NPAS4: variants seen among roughly 807,000 people sequenced by gnomAD.
NPAS4 encodes neuronal PAS domain-containing protein 4.
Under a neutral mutation model 64.0 loss-of-function variants are expected in NPAS4, and 10 were observed. The observed-to-expected ratio is 0.16, with a 90% confidence interval of 0.10 to 0.26. The LOEUF (loss-of-function observed/expected upper bound fraction) is 0.26, where lower values mean the gene tolerates loss of function less well. Among genes scored for constraint, NPAS4 ranks in the 10% least tolerant of loss-of-function variants. The pLI, the probability that NPAS4 is intolerant of heterozygous loss-of-function variation, is 1.00. For missense variants in NPAS4, 886 were observed against 992.6 expected (o/e 0.89, Z 1.44); for synonymous variants, 441 against 411.7 (o/e 1.07, Z -0.86).
chr11:66,413,463 G>A, the NPAS4 span, among the ~76,000 whole-genome samples: 1 of 152,250 alleles, frequency 6.6e-6, no homozygotes, highest in Admixed American at 6.5e-5. Context: ...ACAGCCCTGG[G>A]TGCAGTTGGC....
At chr11:66,421,975 C>T in intron 1 of NPAS4, 145 bp from the exon 2 acceptor site, 1 of 690,912 alleles carries the variant, frequency 1.4e-6, no homozygotes. Flanking sequence ...TGGCCAAGAG[C>T]TGCGGGCAGC....
intron 5 of NPAS4, 128 bp downstream of exon 5, chr11:66,423,360 T>C: frequency 1.2e-6 from 1 of 810,000 alleles, no homozygotes; most frequent in Non-Finnish European, 2.1e-6. Flanking sequence ...TCGGATGCTA[T>C]AGGGTGAACA....
At chr11:66,420,691 A>C (rs1856728003), upstream of NPAS4, among the ~76,000 whole-genome samples, 2 of 152,130 alleles carry the variant, frequency 1.3e-5, no homozygotes, top group African/African-American at 4.8e-5. Context: ...AGGCCGCCCT[A>C]AACCTGGCCC....
rs751922807 is a variant in NPAS4, at chr11:66,423,858, G to A, written c.968G>A (p.Arg323His). 9.9e-6 allele frequency: 16 copies of A among 1,610,762 alleles called. No homozygotes were observed. Among genetic ancestry groups the A allele is most frequent in the Admixed American group, 3.4e-5 (2 of 59,666 alleles). The part of the protein sequence containing the change: ...PISDMEAWSL[R>H]QQLNSEDTQA... ...AGTGACATGGAAGCCTGGAGCCTCC[G>A]CCAGCAGTTGAACTCTGAAGACACC... Residue 323 changes from arginine to histidine, a missense_variant, in exon 7 of 8, where the codon CGC becomes CAC. Physicochemically the swap from Arg to His is conservative, Grantham distance 29. Transcript: ENST00000311034.
chr11:66,419,501 A>G (rs1408852772), upstream of NPAS4, among the ~76,000 whole-genome samples: 1 of 151,984 alleles, frequency 6.6e-6, no homozygotes. Flanking sequence ...CCACCCTCCA[A>G]TTTTTAAGTG....
upstream of NPAS4, among the ~76,000 whole-genome samples, chr11:66,420,089 G>A (rs1856717843): frequency 6.6e-6 from 1 of 152,218 alleles, no homozygotes; most frequent in African/African-American, 2.4e-5. Context: ...CCGGCCCGCG[G>A]GGAGACAGAG....
Position 66,423,559 on chromosome 11 carries a change from G to T in NPAS4, c.809-19G>T. 1 of 1,613,580 alleles carries T rather than the reference G, an allele frequency of 6.2e-7. No individual in the cohort carries two copies. Among genetic ancestry groups the T allele is most frequent in the Non-Finnish European group, 8.5e-7 (1 of 1,179,936 alleles). ...ATTGCCTGGTGGACATCCTAACTCT[G>T]CATCTTCTTTCTCCCCAGTGGCTGA... On this transcript the variant is annotated intron_variant, in intron 5 of 7. Transcript: ENST00000311034.
At position 66,426,636 on chromosome 11, in the gene NPAS4, G is replaced by C. The variant is rs1856841907; in HGVS notation, c.*647G>C. 1 of 152,922 alleles carries C rather than the reference G, an allele frequency of 6.5e-6. No individual in the cohort carries two copies. 9.5% of individuals were successfully genotyped at this position (152,922 alleles called of 1,614,324 possible). A position where few individuals can be genotyped will look rare whatever the true frequency, so the allele number is the denominator to read the frequency against. On this transcript the variant is annotated 3_prime_UTR_variant, in exon 8 of 8. Coordinates refer to ENST00000311034, the MANE Select transcript of NPAS4 (RefSeq NM_178864.4). ...CCGCCAGACTGCCTGGGCCTGCCCA[G>C]ATGGCCACCTCGTGGTGCTGCGGTG...
the NPAS4 span, among the ~76,000 whole-genome samples, chr11:66,413,355 G>C: frequency 6.6e-6 from 1 of 152,258 alleles, no homozygotes; most frequent in Non-Finnish European, 1.5e-5. Flanking sequence ...CTGGAAGAAG[G>C]CTTATGCAGC....
upstream of NPAS4, among the ~76,000 whole-genome samples, chr11:66,416,135 G>A (rs1397282865): frequency 1.3e-5 from 2 of 152,176 alleles, no homozygotes; most frequent in Admixed American, 6.5e-5. Context: ...GATTTGTCGT[G>A]AGAATGTGTC....
rs377121841 is a variant in NPAS4, at chr11:66,424,420, C to T, written c.1530C>T (p.Asp510=). The T allele has an allele frequency of 6.2e-7, 1 of 1,614,112 alleles. No homozygotes were observed. Among genetic ancestry groups the T allele is most frequent in the African/African-American group, 1.3e-5 (1 of 75,028 alleles). Residue 510 remains aspartate (D), a synonymous_variant, in exon 7 of 8, where the codon GAC becomes GAT. Coordinates refer to ENST00000311034, the MANE Select transcript of NPAS4 (RefSeq NM_178864.4). ...QLTPCTSTFP[D]QLLPSTATFP... ...CTCCCTGCACCTCCACCTTCCCAGA[C>T]CAGCTGCTTCCCAGCACAGCCACCT... is the stretch of plus-strand genomic sequence containing the variant.
upstream of NPAS4, among the ~76,000 whole-genome samples, chr11:66,418,864 C>T (rs756875934): frequency 3.3e-5 from 5 of 152,202 alleles, no homozygotes; most frequent in Non-Finnish European, 5.9e-5. Context: ...TCCATGGTGA[C>T]TCTTTCAGCA....
At chr11:66,415,584 T>C in the NPAS4 span, among the ~76,000 whole-genome samples, 1 of 152,178 alleles carries the variant, frequency 6.6e-6, no homozygotes, top group Non-Finnish European at 1.5e-5. Context: ...AATGAGTAAA[T>C]GAATGAATGT....
chr11:66,417,731 A>G (rs74961147), upstream of NPAS4, among the ~76,000 whole-genome samples: 2,798 of 152,214 alleles, frequency 0.018, 95 homozygotes, highest in African/African-American at 0.064. Flanking sequence ...ACAGACACTG[A>G]CAGAAAGGCA....
chr11:66,414,448 G>C, the NPAS4 span, among the ~76,000 whole-genome samples: 1 of 151,980 alleles, frequency 6.6e-6, no homozygotes, highest in Non-Finnish European at 1.5e-5. Context: ...TCCCACCTGG[G>C]CTCTACTCTC....
chr11:66,409,868 G>A, the NPAS4 span: 1 of 152,366 alleles, frequency 6.6e-6, no homozygotes, highest in Non-Finnish European at 1.5e-5. Flanking sequence ...AGCACAGTCT[G>A]GACCTGGGCG....
upstream of NPAS4, among the ~76,000 whole-genome samples, chr11:66,419,977 C>A (rs934051436): frequency 3.9e-4 from 60 of 152,228 alleles, no homozygotes; most frequent in African/African-American, 1.3e-3. Flanking sequence ...CCCTCCGGAG[C>A]GGTGCGGAGG....
At chr11:66,425,814 C>G (rs1350436727) in intron 7 of NPAS4, 147 bp from the exon 8 acceptor site, 1 of 638,104 alleles carries the variant, frequency 1.6e-6, no homozygotes, top group African/African-American at 1.8e-5. Context: ...TCCAAATTGC[C>G]CCCTAATCTA....
chr11:66,417,837 G>A (rs552855638), upstream of NPAS4, among the ~76,000 whole-genome samples: 8 of 152,186 alleles, frequency 5.3e-5, no homozygotes, highest in African/African-American at 1.9e-4. Context: ...AAGCATAGAT[G>A]CAGGCATAGG....
Sources: allele counts gnomAD v4.1 joint callset (sites outside exome capture counted in the v4.1 genomes callset), GRCh38; gene constraint gnomAD v4.1.1; transcripts MANE v1.5; gene names NCBI Gene and HGNC (gene_info 2026-07-23, HGNC 2026-07-21).